TYW1: variants seen among roughly 807,000 people sequenced by gnomAD.
TYW1 encodes the protein tRNA-yW synthesizing protein 1 homolog.
In TYW1, 46 loss-of-function variants were observed where a neutral mutation model predicts 96.2. The ratio of observed to expected loss-of-function variants is 0.48; its 90% confidence interval spans 0.38 to 0.61. The LOEUF (loss-of-function observed/expected upper bound fraction) is 0.61, where lower values mean the gene tolerates loss of function less well. Ranked by LOEUF, TYW1 falls within the 20% of genes least tolerant of loss-of-function variation. The pLI, the probability that TYW1 is intolerant of heterozygous loss-of-function variation, is 0.00. For missense variants in TYW1, 684 were observed against 909.6 expected (o/e 0.75, Z 3.19); for synonymous variants, 274 against 323.0 (o/e 0.85, Z 1.63).
chr7:67,199,524 G>C (rs1367103748), intron 15 of TYW1, among the ~76,000 whole-genome samples: 1 of 152,164 alleles, frequency 6.6e-6, no homozygotes, highest in Non-Finnish European at 1.5e-5. Flanking sequence ...GTTCCTGCCT[G>C]ATAAAATGTT....
At chr7:67,184,876 T>A (rs1156877514) in intron 14 of TYW1, among the ~76,000 whole-genome samples, 3 of 151,398 alleles carry the variant, frequency 2.0e-5, no homozygotes, top group Non-Finnish European at 2.9e-5. Context: ...CCTGGCTAAT[T>A]TTTCTGTTTT....
intron 15 of TYW1, among the ~76,000 whole-genome samples, chr7:67,230,330 A>T (rs545852701): frequency 7.4e-6 from 1 of 135,052 alleles, no homozygotes; most frequent in South Asian, 2.4e-4. Flanking sequence ...TCTGCCCTAC[A>T]TTTTTTGGCT....
intron 7 of TYW1, among the ~76,000 whole-genome samples, chr7:67,032,825 GT>G (rs1240747002): frequency 6.9e-6 from 1 of 144,330 alleles, no homozygotes; most frequent in African/African-American, 2.6e-5. Context: ...GCTGAGAAGT[GT>G]ACTTGTCTTT....
At chr7:67,228,591 G>A (rs1210398375) in intron 15 of TYW1, among the ~76,000 whole-genome samples, 1 of 152,186 alleles carries the variant, frequency 6.6e-6, no homozygotes, top group Admixed American at 6.5e-5. Flanking sequence ...AGTGTTACGT[G>A]GAGGAATAGT....
intron 13 of TYW1, among the ~76,000 whole-genome samples, chr7:67,148,510 C>T (rs894693611): frequency 6.7e-6 from 1 of 148,450 alleles, no homozygotes; most frequent in Non-Finnish European, 1.5e-5. Flanking sequence ...ACTGCAAGCT[C>T]CGCCCCCCGG....
chr7:67,217,472 A>T (rs139334018), intron 15 of TYW1, among the ~76,000 whole-genome samples: 184 of 152,318 alleles, frequency 1.2e-3, no homozygotes, highest in Middle Eastern at 6.8e-3. Context: ...ATTGCTTTGC[A>T]TGTAGTGTTT....
chr7:67,134,156 G>T (rs1472685648), intron 13 of TYW1, among the ~76,000 whole-genome samples: 1 of 152,014 alleles, frequency 6.6e-6, no homozygotes, highest in Non-Finnish European at 1.5e-5. Flanking sequence ...AGTAAAAATA[G>T]GATTAATATA....
chr7:67,008,736 C>T (rs1303051543), intron 3 of TYW1, among the ~76,000 whole-genome samples: 2 of 152,122 alleles, frequency 1.3e-5, no homozygotes, highest in Non-Finnish European at 2.9e-5. Context: ...AATCTTGGCT[C>T]ACTGCAACCT....
chr7:67,098,775 A>G, intron 12 of TYW1, 57 bp downstream of exon 12: 1 of 1,488,116 alleles, frequency 6.7e-7, no homozygotes, highest in Non-Finnish European at 9.0e-7. Flanking sequence ...ACTGCAAAGT[A>G]AAACTAATAG....
intron 13 of TYW1, among the ~76,000 whole-genome samples, chr7:67,137,688 C>T (rs1480528705): frequency 1.3e-5 from 2 of 151,876 alleles, no homozygotes; most frequent in East Asian, 3.9e-4. Flanking sequence ...TACATCTTCT[C>T]TATGTGGAAA....
At chr7:67,111,714 C>A (rs1310136903) in intron 12 of TYW1, among the ~76,000 whole-genome samples, 1 of 152,036 alleles carries the variant, frequency 6.6e-6, no homozygotes, top group Non-Finnish European at 1.5e-5. Context: ...GGGAAATTCA[C>A]AAATATGTGG....
At chr7:67,207,657 A>T (rs978612050) in intron 15 of TYW1, among the ~76,000 whole-genome samples, 3 of 139,226 alleles carry the variant, frequency 2.2e-5, no homozygotes, top group African/African-American at 8.0e-5. Flanking sequence ...ACATTTGTTT[A>T]TCTACTTCAC....
intron 10 of TYW1, among the ~76,000 whole-genome samples, chr7:67,082,115 A>G (rs1796409811): frequency 6.7e-6 from 1 of 149,698 alleles, no homozygotes; most frequent in Non-Finnish European, 1.5e-5. Flanking sequence ...ACAGGCCTCG[A>G]TTTTCCTTTT....
intron 12 of TYW1, among the ~76,000 whole-genome samples, chr7:67,107,260 C>T (rs1343580329): frequency 2.6e-5 from 4 of 152,096 alleles, no homozygotes; most frequent in Non-Finnish European, 4.4e-5. Context: ...TAAATACTGC[C>T]GCCTGAGTCT....
intron 7 of TYW1, among the ~76,000 whole-genome samples, chr7:67,038,262 C>T (rs1191410006): frequency 6.6e-6 from 1 of 152,072 alleles, no homozygotes; most frequent in Non-Finnish European, 1.5e-5. Context: ...TAGATTACGC[C>T]ACTGCACTCC....
At chr7:67,152,007 T>C (rs184615311) in intron 13 of TYW1, among the ~76,000 whole-genome samples, 2 of 152,164 alleles carry the variant, frequency 1.3e-5, no homozygotes, top group Admixed American at 1.3e-4. Context: ...AGATGAGGTC[T>C]TGCTATGTTG....
At chr7:67,046,079 G>A (rs1795177199) in intron 7 of TYW1, among the ~76,000 whole-genome samples, 1 of 152,160 alleles carries the variant, frequency 6.6e-6, no homozygotes, top group Non-Finnish European at 1.5e-5. Flanking sequence ...TATAGGCAGA[G>A]GGATTAATAT....
intron 6 of TYW1, among the ~76,000 whole-genome samples, chr7:67,024,317 A>G (rs1039236179): frequency 2.6e-5 from 4 of 152,026 alleles, no homozygotes; most frequent in Admixed American, 6.6e-5. Flanking sequence ...GGCATGTGCT[A>G]CCACATCTGG....
intron 10 of TYW1, among the ~76,000 whole-genome samples, chr7:67,075,775 A>G (rs1448169061): frequency 1.3e-5 from 2 of 152,202 alleles, no homozygotes; most frequent in Non-Finnish European, 2.9e-5. Flanking sequence ...CTTTTTGGGA[A>G]TGACAAAACA....
Sources: allele counts gnomAD v4.1 joint callset (sites outside exome capture counted in the v4.1 genomes callset), GRCh38; gene constraint gnomAD v4.1.1; transcripts MANE v1.5; gene names NCBI Gene and HGNC (gene_info 2026-07-23, HGNC 2026-07-21).